NBAS: variants seen among roughly 807,000 people sequenced by gnomAD.
NBAS encodes NBAS subunit of NRZ tethering complex, also known as NAG/BC035112 fusion.
In NBAS, 219 loss-of-function variants were observed where a neutral mutation model predicts 302.5. That is an observed-to-expected ratio of 0.72 (90% CI 0.65 to 0.81). The LOEUF (loss-of-function observed/expected upper bound fraction) is 0.81. Ranked by LOEUF, NBAS falls within the 30% of genes least tolerant of loss-of-function variation. NBAS has a pLI of 0.00. For synonymous variants in NBAS, 1,118 were observed against 1,021.6 expected (o/e 1.09, Z -1.80); for missense variants, 2,932 against 2,841.6 (o/e 1.03, Z -0.72).
chr2:15,464,674 C>A (rs1416673534), intron 19 of NBAS, among the ~76,000 whole-genome samples: 1 of 152,140 alleles, frequency 6.6e-6, no homozygotes, highest in Non-Finnish European at 1.5e-5. Flanking sequence ...GAAAGGGCTA[C>A]CCCCAGCCAC....
chr2:15,404,372 A>G (rs1298403778), intron 25 of NBAS, among the ~76,000 whole-genome samples: 1 of 152,180 alleles, frequency 6.6e-6, no homozygotes, highest in African/African-American at 2.4e-5. Flanking sequence ...CTGGAAGATA[A>G]AAACACTGAA....
intron 38 of NBAS, among the ~76,000 whole-genome samples, chr2:15,314,273 T>C (rs993809635): frequency 6.6e-6 from 1 of 152,108 alleles, no homozygotes; most frequent in African/African-American, 2.4e-5. Context: ...TGAGAATTGC[T>C]TGAACCTGGG....
Position 15,463,174 on chromosome 2 carries a change from T to A in NBAS, c.2098-1383A>T, listed in dbSNP as rs1018487626. On this transcript the variant is annotated intron_variant, in intron 19 of 51. Transcript: ENST00000281513. ...CTGTAGTCCCAACTACTTGGGAGAC[T>A]GAGATGGGAGGACAGCTTGAGTCCA... 5.9e-5 allele frequency among the ~76,000 whole-genome samples: 9 copies of A among 152,148 alleles called. No homozygotes were observed. In the East Asian group the frequency reaches 1.6e-3, roughly 26 times the overall value.
the NBAS span, among the ~76,000 whole-genome samples, chr2:15,005,276 G>A: frequency 0.36 from 54,318 of 151,856 alleles, 10,396 homozygotes; most frequent in Non-Finnish European, 0.41. Context: ...GTTGACTAGC[G>A]ACTCCCCTTA....
chr2:15,524,110 A>C (rs1182337588), intron 9 of NBAS, among the ~76,000 whole-genome samples: 1 of 152,236 alleles, frequency 6.6e-6, no homozygotes, highest in African/African-American at 2.4e-5. Flanking sequence ...GTAGCACATA[A>C]AAGCTAAATA....
rs549377915 is a variant in NBAS at position 15,396,172 on chromosome 2, G to A, written c.3134+241C>T. Among the ~76,000 whole-genome samples, 4 of 152,142 alleles carry A rather than the reference G, an allele frequency of 2.6e-5. No homozygotes were observed. In the East Asian group the frequency reaches 7.7e-4, roughly 29 times the overall value. On this transcript the variant is annotated intron_variant, in intron 27 of 51. Coordinates refer to ENST00000281513, the MANE Select transcript of NBAS (RefSeq NM_015909.4). ...AAAACCCTAGGCCCAAAGATCACACGACTAGTAAGTGGCAAGGCCTAAATT... is the reference window on the plus strand; with the variant it reads ...AAAACCCTAGGCCCAAAGATCACACAACTAGTAAGTGGCAAGGCCTAAATT...
chr2:15,171,366 A>AT (rs949653002), intron 51 of NBAS, among the ~76,000 whole-genome samples: 3 of 152,010 alleles, frequency 2.0e-5, no homozygotes, highest in South Asian at 2.1e-4. Context: ...ATGTGCATAG[A>AT]TTTTTTTCCC....
At chr2:15,418,789 T>C (rs1351304681) in intron 23 of NBAS, among the ~76,000 whole-genome samples, 1 of 151,698 alleles carries the variant, frequency 6.6e-6, no homozygotes, top group Non-Finnish European at 1.5e-5. Flanking sequence ...AAAGAAGGTG[T>C]GAGGGGCAGC....
At chr2:15,018,159 T>C in the NBAS span, among the ~76,000 whole-genome samples, 1 of 151,750 alleles carries the variant, frequency 6.6e-6, no homozygotes, top group Admixed American at 6.6e-5. Flanking sequence ...AAGAGGAGGA[T>C]AGGGAGAGAT....
intron 25 of NBAS, among the ~76,000 whole-genome samples, chr2:15,403,009 TAATA>T (rs1220765836): frequency 6.6e-6 from 1 of 152,174 alleles, no homozygotes; most frequent in Non-Finnish European, 1.5e-5. Context: ...AGGATTAAAT[TAATA>T]AATATAGAAT....
chr2:15,115,167 G>A, the NBAS span, among the ~76,000 whole-genome samples: 1 of 152,122 alleles, frequency 6.6e-6, no homozygotes, highest in Non-Finnish European at 1.5e-5. Context: ...CACAAGACAT[G>A]GGCTTCTGAT....
chr2:15,375,533 C>T (rs375597276), intron 30 of NBAS, among the ~76,000 whole-genome samples: 1 of 152,118 alleles, frequency 6.6e-6, no homozygotes, highest in Admixed American at 6.6e-5. Context: ...CAAGCCTGCT[C>T]TCGTAAAACT....
the NBAS span, among the ~76,000 whole-genome samples, chr2:15,110,538 C>T: frequency 6.6e-6 from 1 of 152,106 alleles, no homozygotes; most frequent in Non-Finnish European, 1.5e-5. Context: ...TTGCAGCCTG[C>T]TCGCCAGAGT....
the NBAS span, among the ~76,000 whole-genome samples, chr2:15,017,408 T>A: frequency 6.6e-6 from 1 of 151,970 alleles, no homozygotes; most frequent in African/African-American, 2.4e-5. Context: ...ATTTAGAAAC[T>A]ATTCATCCAA....
chr2:15,343,227 T>C (rs1032304449), intron 35 of NBAS, among the ~76,000 whole-genome samples: 3 of 152,172 alleles, frequency 2.0e-5, no homozygotes, highest in Admixed American at 1.3e-4. Context: ...TGGCTCCATG[T>C]ATGCATTCTC....
At chr2:14,892,295 G>C in the NBAS span, among the ~76,000 whole-genome samples, 2 of 152,036 alleles carry the variant, frequency 1.3e-5, no homozygotes, top group African/African-American at 4.8e-5. Flanking sequence ...AGGCAGCAAT[G>C]ATCAATAAAC....
chr2:15,461,284 C>G lies in NBAS; in HGVS notation c.2256G>C (p.Leu752=), dbSNP rs561346166. Residue 752 remains leucine, a synonymous_variant, in exon 21 of 52, where the codon CTG becomes CTC. Coordinates refer to ENST00000281513, the MANE Select transcript of NBAS (RefSeq NM_015909.4). ...EILFTYHGSD[L]LPHRLAILSN... is the part of the protein sequence containing the mutation. The stretch of plus-strand genomic sequence containing the variant: ...ACAGAATTGCAAGGCGATGAGGAAG[C>G]AGGTCGGAACCATGGTAAGTAAACA... 15 of 1,613,020 alleles carry G rather than the reference C, an allele frequency of 9.3e-6. No individual in the cohort carries two copies. Among genetic ancestry groups the G allele is most frequent in the South Asian group, 6.6e-5 (6 of 91,068 alleles).
chr2:15,157,285 C>T, the NBAS span, among the ~76,000 whole-genome samples: 39 of 152,168 alleles, frequency 2.6e-4, no homozygotes, highest in Middle Eastern at 3.2e-3. Flanking sequence ...TTCCCTAGGA[C>T]CCACAAGGTG....
chr2:15,340,365 T>C (rs1187861645), intron 35 of NBAS, among the ~76,000 whole-genome samples: 1 of 152,158 alleles, frequency 6.6e-6, no homozygotes, highest in East Asian at 1.9e-4. Context: ...GCAAAAGATT[T>C]ATGGTACGAA....
Sources: gnomAD v4.1 joint callset for allele counts (sites outside exome capture counted in the v4.1 genomes callset) on GRCh38, gnomAD v4.1.1 for gene constraint, MANE v1.5 for transcripts, NCBI Gene and HGNC (gene_info 2026-07-23, HGNC 2026-07-21) for gene names.